BABAM2: variants seen among roughly 807,000 people sequenced by gnomAD.
BABAM2 encodes the protein BRISC and BRCA1-A complex member 2.
BABAM2 carries 31 observed loss-of-function variants against 54.7 expected under a neutral mutation model. That is an observed-to-expected ratio of 0.57 (90% CI 0.43 to 0.77). The LOEUF (loss-of-function observed/expected upper bound fraction) is 0.77, where lower values mean the gene tolerates loss of function less well. BABAM2 is among the 30% of genes least tolerant of loss of function. BABAM2 has a pLI of 0.00. For missense variants in BABAM2, 364 were observed against 455.8 expected, an observed-to-expected ratio of 0.80 and a Z score of 1.83; for synonymous variants, 167 against 162.9, an observed-to-expected ratio of 1.03 and a Z score of -0.19.
At chr2:28,220,625 A>AT (rs374464142) in intron 7 of BABAM2, among the ~76,000 whole-genome samples, 2,243 of 152,222 alleles carry the variant, frequency 0.015, 52 homozygotes, top group African/African-American at 0.051. Context: ...AACCAAAAAA[A>AT]AAATAAATAA....
At position 28,004,261 on chromosome 2, in the gene BABAM2, A is replaced by G. The variant is rs553669432; in HGVS notation, c.300+16174A>G. ...AGAGCCAAGATATTTAAACCTGTAA[A>G]GGAAAACGCCAGCTCAGCCCTTACA... is the stretch of plus-strand genomic sequence containing the variant. On this transcript the variant is annotated intron_variant, in intron 4 of 11. Transcript: ENST00000379624. 2.3e-4 allele frequency among the ~76,000 whole-genome samples: 35 copies of G among 152,322 alleles called. No homozygotes were observed. The South Asian group carries it at 6.6e-3, about 29-fold the overall frequency.
chr2:28,006,190 T>C (rs1276341350), intron 4 of BABAM2, among the ~76,000 whole-genome samples: 2 of 152,108 alleles, frequency 1.3e-5, no homozygotes, highest in Non-Finnish European at 2.9e-5. Context: ...ATTGTATCTC[T>C]GTGGTATAGT....
At chr2:28,245,481 G>C (rs1473200579) in intron 10 of BABAM2, among the ~76,000 whole-genome samples, 1 of 152,168 alleles carries the variant, frequency 6.6e-6, no homozygotes, top group Non-Finnish European at 1.5e-5. Context: ...ACCTAATGGT[G>C]GTTGTCACAT....
chr2:28,112,906 A>G lies in BABAM2; in HGVS notation c.571-16365A>G, dbSNP rs569975711. ...TTTAATGATTGCCATTCTAACTGGC[A>G]TGAGATGGTATCTCATTGTGGCTTT... On this transcript the variant is annotated intron_variant, in intron 6 of 11. Transcript: ENST00000379624. Among the ~76,000 whole-genome samples, 19 of 152,312 alleles carry G rather than the reference A, an allele frequency of 1.2e-4. No individual in the cohort carries two copies. The East Asian group carries it at 2.9e-3, about 23-fold the overall frequency.
At chr2:28,274,019 CCTTG>C (rs1436112339) in intron 10 of BABAM2, among the ~76,000 whole-genome samples, 1 of 152,166 alleles carries the variant, frequency 6.6e-6, no homozygotes, top group African/African-American at 2.4e-5. Context: ...GTGCCTTCAC[CCTTG>C]CTTATAACCT....
chr2:27,948,406 T>C (rs1241727948), intron 3 of BABAM2, among the ~76,000 whole-genome samples: 1 of 152,182 alleles, frequency 6.6e-6, no homozygotes, highest in East Asian at 1.9e-4. Flanking sequence ...GTCCTTCCTG[T>C]CTAATCTGAA....
chr2:28,037,716 T>C (rs1483433563), intron 5 of BABAM2, among the ~76,000 whole-genome samples: 1 of 152,180 alleles, frequency 6.6e-6, no homozygotes, highest in African/African-American at 2.4e-5. Context: ...AACAGTATAT[T>C]AAAATATTTG....
chr2:28,028,536 C>T (rs1405711003), intron 5 of BABAM2, among the ~76,000 whole-genome samples: 1 of 152,102 alleles, frequency 6.6e-6, no homozygotes, highest in African/African-American at 2.4e-5. Context: ...AATGTAAAAT[C>T]TCATGAGGGC....
At chr2:27,939,977 A>T (rs1396932923) in intron 3 of BABAM2, among the ~76,000 whole-genome samples, 3 of 152,226 alleles carry the variant, frequency 2.0e-5, no homozygotes, top group Non-Finnish European at 4.4e-5. Context: ...TACTGTGAAG[A>T]GACAATTGTT....
chr2:28,135,819 A>G (rs1000269919), intron 7 of BABAM2, among the ~76,000 whole-genome samples: 2 of 152,132 alleles, frequency 1.3e-5, no homozygotes, highest in African/African-American at 2.4e-5. Context: ...TGTCATGCCT[A>G]CTATCATTAC....
chr2:28,216,162 A>C (rs931467068), intron 7 of BABAM2, among the ~76,000 whole-genome samples: 1 of 152,200 alleles, frequency 6.6e-6, no homozygotes, highest in African/African-American at 2.4e-5. Flanking sequence ...CTTTGACTTA[A>C]TTTTTGTTTA....
chr2:28,193,571 A>G (rs1424202348), intron 7 of BABAM2, among the ~76,000 whole-genome samples: 1 of 152,230 alleles, frequency 6.6e-6, no homozygotes, highest in Non-Finnish European at 1.5e-5. Flanking sequence ...GCATGAAAAT[A>G]CAAGGAGTTG....
chr2:27,962,390 T>G (rs939905045), intron 3 of BABAM2, among the ~76,000 whole-genome samples: 3 of 152,170 alleles, frequency 2.0e-5, no homozygotes, highest in African/African-American at 7.2e-5. Context: ...TGTGAGCCAC[T>G]GTGCCTGGTG....
intron 3 of BABAM2, among the ~76,000 whole-genome samples, chr2:27,952,354 A>G (rs144518075): frequency 0.013 from 2,005 of 152,296 alleles, 23 homozygotes; most frequent in Non-Finnish European, 0.021. Context: ...TTACATTTCT[A>G]TTAGTTATCT....
intron 11 of BABAM2, among the ~76,000 whole-genome samples, chr2:28,299,973 C>G (rs1466019982): frequency 6.6e-6 from 1 of 152,126 alleles, no homozygotes; most frequent in Non-Finnish European, 1.5e-5. Context: ...GAATCTTGCT[C>G]TGTTGCCTAG....
chr2:28,321,216 G>A lies in BABAM2; in HGVS notation c.1089-17234G>A, dbSNP rs193245670. Among the ~76,000 whole-genome samples the A allele has an allele frequency of 2.3e-3, 343 of 152,350 alleles. 1 individual carries two copies. The highest frequency in any genetic ancestry group is 7.9e-3 in the African/African-American group (330 of 41,584). On this transcript the variant is annotated intron_variant, in intron 11 of 11. Transcript: ENST00000379624. ...TTCTTACCATGTGCCTGGCACTGTT[G>A]CCTCATAACAACTGGTCACTGGAGA...
chr2:28,223,468 T>C lies in BABAM2; in HGVS notation c.681-13734T>C, dbSNP rs545401941. ...CAGAATGGGGAGGAGAGAGGGTCCT[T>C]ACAAGCAAGCACCTGCCTACAGCCC... On this transcript the variant is annotated intron_variant, in intron 7 of 11. Coordinates refer to ENST00000379624, the MANE Select transcript of BABAM2 (RefSeq NM_199191.3). 2.6e-5 allele frequency among the ~76,000 whole-genome samples: 4 copies of C among 152,308 alleles called. No homozygotes were observed. In the South Asian group the frequency reaches 8.3e-4, roughly 32 times the overall value.
chr2:28,298,476 T>G lies in BABAM2; in HGVS notation c.1073T>G (p.Met358Arg). ...AGCCCCAGATGGGATGGAAATGAAA[T>G]GGCCAAAAGAGCAAAGTAAGTGAAT... ...PYSPRWDGNE[M>R]AKRAKAYFKT... The change falls in exon 11 of 12, where the codon ATG becomes AGG. Residue 358 changes from methionine to arginine, a missense_variant. Physicochemically the swap from Met to Arg is moderately conservative, Grantham distance 91. Coordinates refer to ENST00000379624, the MANE Select transcript of BABAM2 (RefSeq NM_199191.3). 6.2e-7 allele frequency: 1 copy of G among 1,614,106 alleles called. No individual in the cohort carries two copies. Among genetic ancestry groups the G allele is most frequent in the East Asian group, 2.2e-5 (1 of 44,878 alleles).
intron 2 of BABAM2, among the ~76,000 whole-genome samples, chr2:27,918,545 G>T (rs1045405498): frequency 1.3e-5 from 2 of 151,888 alleles, no homozygotes; most frequent in African/African-American, 4.8e-5. Flanking sequence ...TGGACACTTG[G>T]ATTGCTTCTA....
Sources: gnomAD v4.1 joint callset for allele counts (sites outside exome capture counted in the v4.1 genomes callset) on GRCh38, gnomAD v4.1.1 for gene constraint, MANE v1.5 for transcripts, NCBI Gene and HGNC (gene_info 2026-07-23, HGNC 2026-07-21) for gene names.